The following SSBP2 variants were observed in gnomAD, a reference collection of about 807,000 sequenced individuals.
SSBP2 encodes the protein single stranded DNA binding protein 2, also known as single-stranded DNA-binding protein 2.
A neutral mutation model predicts 61.8 loss-of-function variants in SSBP2; 17 were observed. The observed-to-expected ratio is 0.28, with a 90% CI of 0.19 to 0.41. The LOEUF is 0.41. Among genes scored for constraint, SSBP2 ranks in the 10% least tolerant of loss-of-function variants. The probability of loss-of-function intolerance (pLI) is 1.00; values close to 1 mark genes in which losing one functional copy is unlikely to be tolerated. For missense variants in SSBP2, 310 were observed against 458.7 expected, an observed-to-expected ratio of 0.68 and a Z score of 2.96; for synonymous variants, 139 against 141.3, an observed-to-expected ratio of 0.98 and a Z score of 0.12.
At chr5:81,604,255 CTT>C (rs1208837769) in intron 4 of SSBP2, among the ~76,000 whole-genome samples, 2 of 138,508 alleles carry the variant, frequency 1.4e-5, no homozygotes, top group Admixed American at 7.2e-5. Flanking sequence ...CTTTTCTTTT[CTT>C]TTTTTTTTTT....
chr5:81,680,663 G>GAA (rs1752317621), intron 1 of SSBP2, among the ~76,000 whole-genome samples: 1 of 152,102 alleles, frequency 6.6e-6, no homozygotes, highest in Non-Finnish European at 1.5e-5. Flanking sequence ...GGCCTATCTG[G>GAA]AATAAGAGGG....
At chr5:81,557,198 A>C (rs905289874) in intron 4 of SSBP2, among the ~76,000 whole-genome samples, 1 of 152,150 alleles carries the variant, frequency 6.6e-6, no homozygotes, top group Non-Finnish European at 1.5e-5. Context: ...TTTCAACAAA[A>C]AGTTTGCTGA....
rs185916635 is a variant in SSBP2 at position 81,617,946 on chromosome 5, A to C, written c.198-2389T>G. ...CAGGCCTGCCCTAAAAGAGCTCCTG[A>C]AGCAAGCGCTAAACATGGAAAGGAA... On this transcript the variant is annotated intron_variant, in intron 3 of 16. Coordinates refer to ENST00000320672, the MANE Select transcript of SSBP2 (RefSeq NM_012446.5). 1.7e-4 allele frequency among the ~76,000 whole-genome samples: 24 copies of C among 137,714 alleles called. 6 individuals carry two copies. The highest frequency in any genetic ancestry group is 3.0e-4 in the Non-Finnish European group (19 of 62,342). The allele number at this position is 137,714 out of a possible 152,430, so 90.3% of individuals were successfully genotyped here.
intron 4 of SSBP2, among the ~76,000 whole-genome samples, chr5:81,520,460 A>G (rs1443727387): frequency 3.3e-5 from 5 of 152,166 alleles, no homozygotes; most frequent in Non-Finnish European, 7.4e-5. Flanking sequence ...TATTACAGTA[A>G]TTCAATGATT....
intron 4 of SSBP2, among the ~76,000 whole-genome samples, chr5:81,566,055 A>G (rs1398739807): frequency 1.3e-5 from 2 of 152,252 alleles, no homozygotes; most frequent in Non-Finnish European, 2.9e-5. Flanking sequence ...TTCCTTGATC[A>G]ATTAATACAG....
intron 12 of SSBP2, 23 bp downstream of exon 12, chr5:81,446,845 T>G (rs778502409): frequency 1.3e-6 from 2 of 1,596,900 alleles, no homozygotes; most frequent in Non-Finnish European, 1.7e-6. Context: ...CAAATGCCCA[T>G]GTGGCTAGTT....
intron 1 of SSBP2, among the ~76,000 whole-genome samples, chr5:81,728,222 G>T (rs942925376): frequency 6.6e-6 from 1 of 152,138 alleles, no homozygotes; most frequent in Non-Finnish European, 1.5e-5. Flanking sequence ...AGGAACAGAT[G>T]ACTTTTTCTT....
intron 1 of SSBP2, among the ~76,000 whole-genome samples, chr5:81,676,928 A>C (rs1303458505): frequency 6.6e-6 from 1 of 152,156 alleles, no homozygotes; most frequent in Admixed American, 6.5e-5. Flanking sequence ...GAAAAGGAAA[A>C]GAAGGAAGCC....
intron 1 of SSBP2, among the ~76,000 whole-genome samples, chr5:81,693,202 TAAAAAAA>T (rs34403567): frequency 2.6e-5 from 3 of 116,130 alleles, no homozygotes; most frequent in East Asian, 5.0e-4. Flanking sequence ...GACTTTGTCT[TAAAAAAA>T]AAAAAAAAAA....
chr5:81,683,034 G>A (rs867674389), intron 1 of SSBP2, among the ~76,000 whole-genome samples: 10 of 149,758 alleles, frequency 6.7e-5, no homozygotes, highest in Non-Finnish European at 9.0e-5. Context: ...AAATGAGAGC[G>A]ATACCATGTT....
At chr5:81,653,791 T>C (rs749524541) in intron 1 of SSBP2, among the ~76,000 whole-genome samples, 8 of 151,876 alleles carry the variant, frequency 5.3e-5, no homozygotes, top group Admixed American at 3.9e-4. Context: ...TTTGATGGAG[T>C]TTTTTCTTGT....
At chr5:81,751,239 G>T, upstream of SSBP2, 1 of 604,898 alleles carries the variant, frequency 1.7e-6, no homozygotes, top group South Asian at 1.9e-5. Context: ...CGAAGCGCGC[G>T]GTGGCGGCTA....
At chr5:81,540,577 T>C (rs1220281943) in intron 4 of SSBP2, among the ~76,000 whole-genome samples, 1 of 152,230 alleles carries the variant, frequency 6.6e-6, no homozygotes, top group African/African-American at 2.4e-5. Context: ...TCTGCCCACT[T>C]TTTCATGGGG....
At chr5:81,527,085 T>C (rs1362239509) in intron 4 of SSBP2, among the ~76,000 whole-genome samples, 3 of 151,864 alleles carry the variant, frequency 2.0e-5, no homozygotes, top group East Asian at 1.9e-4. Context: ...ACAAGATATA[T>C]TAAGAAAAGT....
At chr5:81,486,576 TCTAAAAAA>T (rs1766399586) in intron 6 of SSBP2, among the ~76,000 whole-genome samples, 1 of 152,142 alleles carries the variant, frequency 6.6e-6, no homozygotes, top group Admixed American at 6.6e-5. Context: ...GGACGGAATG[TCTAAAAAA>T]CCATGAAGCC....
intron 4 of SSBP2, among the ~76,000 whole-genome samples, chr5:81,542,203 G>C (rs1471863920): frequency 6.6e-6 from 1 of 151,870 alleles, no homozygotes; most frequent in Non-Finnish European, 1.5e-5. Context: ...TGCAAATCAA[G>C]ACCACAATGA....
At chr5:81,569,263 C>A (rs565905642) in intron 4 of SSBP2, among the ~76,000 whole-genome samples, 2 of 152,288 alleles carry the variant, frequency 1.3e-5, no homozygotes, top group Non-Finnish European at 2.9e-5. Flanking sequence ...ACAATCAAGA[C>A]ATAAAACAGT....
At chr5:81,727,980 C>T (rs1010784392) in intron 1 of SSBP2, among the ~76,000 whole-genome samples, 24 of 152,070 alleles carry the variant, frequency 1.6e-4, no homozygotes, top group African/African-American at 5.1e-4. Flanking sequence ...ATAGAAAGGG[C>T]TGGGGAAAGG....
chr5:81,614,785 T>C (rs1418887825), intron 4 of SSBP2, among the ~76,000 whole-genome samples: 1 of 152,194 alleles, frequency 6.6e-6, no homozygotes, highest in Non-Finnish European at 1.5e-5. Context: ...TAATACCATC[T>C]TCTCATTCTT....
Sources: allele counts gnomAD v4.1 joint callset (sites outside exome capture counted in the v4.1 genomes callset), GRCh38; gene constraint gnomAD v4.1.1; transcripts MANE v1.5; gene names NCBI Gene and HGNC (gene_info 2026-07-23, HGNC 2026-07-21).